Variants in HSF1 observed in about 807,000 individuals in gnomAD.
HSF1 encodes heat shock transcription factor 1, also known as heat shock factor protein 1.
A neutral mutation model predicts 51.7 loss-of-function variants in HSF1; 32 were observed. That is an observed-to-expected ratio of 0.62 (90% CI 0.47 to 0.83). The LOEUF is 0.83. Among genes scored for constraint, HSF1 ranks in the 40% least tolerant of loss-of-function variants. The pLI is 0.00. For synonymous variants in HSF1, 396 were observed against 309.7 expected, an observed-to-expected ratio of 1.28 and a Z score of -2.92; for missense variants, 727 against 717.0, an observed-to-expected ratio of 1.01 and a Z score of -0.16.
intron 1 of HSF1, among the ~76,000 whole-genome samples, chr8:144,308,654 G>A (rs1554843689): frequency 3.3e-5 from 5 of 152,178 alleles, no homozygotes; most frequent in African/African-American, 9.7e-5. Context: ...GGAAGGCCTC[G>A]CATCTGCCCA....
In HSF1 at chr8:144,312,037, A is replaced by C. The variant is rs376607063; in HGVS notation, c.935A>C (p.Glu312Ala). ...CCGCCTCAGAGCCCCCGGGTAGAGG[A>C]GGCGAGTCCCGGGCGCCCATCTTCC... ...PSPPQSPRVEEASPGRPSSVD... is the reference protein window; with the variant it reads ...PSPPQSPRVEAASPGRPSSVD... The change falls in exon 9 of 13, where the codon GAG (glutamate) becomes GCG (alanine). Residue 312 changes from glutamate (E) to alanine (A), a missense_variant. By Grantham distance (107) the Glu-to-Ala change is moderately radical (BLOSUM62 -1). Around this residue, in one of 2 missense-constraint regions of HSF1, gnomAD observed 470 missense variants for 398.8 expected, o/e 1.18. Coordinates refer to ENST00000528838, the MANE Select transcript of HSF1 (RefSeq NM_005526.4). 2.2e-4 allele frequency: 349 copies of C among 1,608,758 alleles called. No homozygotes were observed. Among genetic ancestry groups the C allele is most frequent in the Middle Eastern group, 1.6e-4 (1 of 6,066 alleles).
In HSF1 at chr8:144,291,805, G is replaced by A. The variant is rs1554840397; in HGVS notation, c.48G>A (p.Pro16=). 2 of 1,538,220 alleles carry A rather than the reference G, an allele frequency of 1.3e-6. No individual in the cohort carries two copies. The highest frequency in any genetic ancestry group is 1.7e-6 in the Non-Finnish European group (2 of 1,145,414). The part of the protein sequence containing the change: ...GPGAAGPSNV[P]AFLTKLWTLV... The stretch of plus-strand genomic sequence containing the variant: ...GCGCGGCGGGGCCCAGCAACGTCCC[G>A]GCCTTCCTGACCAAGCTGTGGACCC... Residue 16 remains proline, a synonymous_variant, in exon 1 of 13, where the codon CCG becomes CCA. Transcript: ENST00000528838. The surrounding 1 kb of genome is among the most constrained non-coding windows in gnomAD (Gnocchi z 4.1).
rs1229747112 is a variant in HSF1 at position 144,314,660 on chromosome 8, A to G, written c.*330A>G. On this transcript the variant is annotated 3_prime_UTR_variant, in exon 13 of 13. Transcript: ENST00000528838. ...CCGCTCCACAGAGATACACAGATAT[A>G]TACACACAGTGGATGGACGGACAAG... 2 of 361,894 alleles carry G rather than the reference A, an allele frequency of 5.5e-6. No homozygotes were observed. The highest frequency in any genetic ancestry group is 4.1e-5 in the African/African-American group (2 of 49,328). The allele number at this position is 361,894 out of a possible 1,614,324, so 22.4% of individuals were successfully genotyped here. A position where few individuals can be genotyped will look rare whatever the true frequency, so the allele number is the denominator to read the frequency against.
At chr8:144,305,780 T>TGG (rs1347693733) in intron 1 of HSF1, among the ~76,000 whole-genome samples, 1 of 125,318 alleles carries the variant, frequency 8.0e-6, no homozygotes, top group African/African-American at 3.0e-5. Flanking sequence ...TAGCCCAGGC[T>TGG]GGAGTGCAAT....
At chr8:144,307,632 G>T (rs1816309595) in intron 1 of HSF1, among the ~76,000 whole-genome samples, 1 of 152,142 alleles carries the variant, frequency 6.6e-6, no homozygotes, top group African/African-American at 2.4e-5. Flanking sequence ...TACTCGGGAG[G>T]CTGAGGCAGG....
chr8:144,309,955 C>G, intron 4 of HSF1, 59 bp downstream of exon 4: 4 of 1,574,726 alleles, frequency 2.5e-6, no homozygotes, highest in Non-Finnish European at 3.5e-6. Flanking sequence ...CAAGAGGCCC[C>G]GGGTGCTGTG....
In HSF1 at chr8:144,309,858, G is replaced by A; in HGVS notation, c.450G>A (p.Lys150=). Residue 150 remains lysine, a synonymous_variant, in exon 4 of 13, where the codon AAG becomes AAA. Coordinates refer to ENST00000528838, the MANE Select transcript of HSF1 (RefSeq NM_005526.4). ...CGGACGTGCAGCTGATGAAGGGGAA[G>A]CAGGAGTGCATGGACTCCAAGCTCC... ...LLTDVQLMKG[K]QECMDSKLLA... 1.2e-6 allele frequency: 2 copies of A among 1,613,962 alleles called. No individual in the cohort carries two copies. Among genetic ancestry groups the A allele is most frequent in the Non-Finnish European group, 1.7e-6 (2 of 1,180,004 alleles).
At chr8:144,310,152 C>G (rs1343020690) in intron 4 of HSF1, 1 of 471,252 alleles carries the variant, frequency 2.1e-6, no homozygotes, top group African/African-American at 2.0e-5. Context: ...GCCCTCTGGG[C>G]CATTGGCTTC....
chr8:144,313,963 C>G (rs1165137466), intron 11 of HSF1, 22 bp from the exon 12 acceptor site: 3 of 1,610,966 alleles, frequency 1.9e-6, no homozygotes, highest in South Asian at 2.2e-5. Context: ...GGAGTGCTCA[C>G]AATACCGTCT....
At chr8:144,304,409 A>C (rs1816082451) in intron 1 of HSF1, among the ~76,000 whole-genome samples, 1 of 152,204 alleles carries the variant, frequency 6.6e-6, no homozygotes, top group Admixed American at 6.5e-5. Flanking sequence ...AGAAGTGGAA[A>C]TCTCTCCATT....
Position 144,297,849 on chromosome 8 carries a change from G to A in HSF1, c.117+5975G>A, listed in dbSNP as rs537557816. ...TAGAATACGGCACTGTTCACGTTTT[G>A]GGCCAGGGAGCCCTTTGAGAAGATA... On this transcript the variant is annotated intron_variant, in intron 1 of 12. Transcript: ENST00000528838. This position sits in a 1 kb window ranked among gnomAD's most constrained non-coding sequence, Gnocchi z 4.6. 2.6e-5 allele frequency among the ~76,000 whole-genome samples: 4 copies of A among 152,302 alleles called. No individual in the cohort carries two copies. The East Asian group carries it at 7.7e-4, about 29-fold the overall frequency.
At chr8:144,304,290 A>T (rs1816077723) in intron 1 of HSF1, among the ~76,000 whole-genome samples, 1 of 152,212 alleles carries the variant, frequency 6.6e-6, no homozygotes, top group Non-Finnish European at 1.5e-5. Context: ...TTTACTCCGT[A>T]AGTGTTCATC....
At chr8:144,294,733 A>G (rs6989371) in intron 1 of HSF1, among the ~76,000 whole-genome samples, 79,041 of 151,742 alleles carry the variant, frequency 0.52, 20,883 homozygotes, top group Admixed American at 0.65. Context: ...TGTGGCAGCT[A>G]CCCCATCCCT....
At chr8:144,300,624 GA>G (rs1564613991) in intron 1 of HSF1, among the ~76,000 whole-genome samples, 2 of 152,168 alleles carry the variant, frequency 1.3e-5, no homozygotes, top group Non-Finnish European at 2.9e-5. Flanking sequence ...AATCCAAATT[GA>G]GAGACATTCC....
intron 9 of HSF1, chr8:144,312,656 G>A: frequency 6.5e-7 from 1 of 1,535,396 alleles, no homozygotes; most frequent in Non-Finnish European, 8.7e-7. Context: ...GATGTCTAGG[G>A]TCGCCCGCCT....
Position 144,311,047 on chromosome 8 carries a change from TG to T in HSF1, c.489-124del, listed in dbSNP as rs752756948. On this transcript the variant is annotated intron_variant, in intron 4 of 12. Coordinates refer to ENST00000528838, the MANE Select transcript of HSF1 (RefSeq NM_005526.4). ...CCACACACAAGTTCTCATCCTGGGG[TG>T]GGCCAGGCCAGACATGGTCACACTT... 1.8e-3 allele frequency: 1,481 copies of T among 832,470 alleles called. 10 individuals are homozygous for T. Among genetic ancestry groups the T allele is most frequent in the Middle Eastern group, 0.012 (33 of 2,804 alleles). 51.6% of individuals were successfully genotyped at this position (832,470 alleles called of 1,614,324 possible). A position where few individuals can be genotyped will look rare whatever the true frequency, so the allele number is the denominator to read the frequency against.
intron 1 of HSF1, among the ~76,000 whole-genome samples, chr8:144,301,132 CA>C (rs1815834582): frequency 6.6e-6 from 1 of 152,158 alleles, no homozygotes; most frequent in Admixed American, 6.5e-5. Context: ...GAAATATGAC[CA>C]AAAGGCTGGA....
chr8:144,310,971 G>A (rs1816599997), intron 4 of HSF1: 1 of 598,864 alleles, frequency 1.7e-6, no homozygotes, highest in Middle Eastern at 4.5e-4. Flanking sequence ...GGTGTCCCCG[G>A]CAGGGAGGGG....
At chr8:144,305,855 C>T (rs544334911) in intron 1 of HSF1, among the ~76,000 whole-genome samples, 1 of 151,766 alleles carries the variant, frequency 6.6e-6, no homozygotes, top group African/African-American at 2.4e-5. Context: ...GCCTCAGCCT[C>T]CTGAGTAGCC....
Sources: gnomAD v4.1 joint callset for allele counts (sites outside exome capture counted in the v4.1 genomes callset) on GRCh38, gnomAD v4.1.1 for gene constraint, gnomAD v4.1.1 regional missense constraint, Gnocchi (gnomAD v3.1) non-coding constraint, MANE v1.5 for transcripts, NCBI Gene and HGNC (gene_info 2026-07-23, HGNC 2026-07-21) for gene names.